Variants in FYB2 observed in about 807,000 individuals in gnomAD.
FYB2 encodes FYN-binding protein 2.
A neutral mutation model predicts 94.1 loss-of-function variants in FYB2; 103 were observed. That is an observed-to-expected ratio of 1.09 (90% confidence interval 0.93 to 1.29). The LOEUF (loss-of-function observed/expected upper bound fraction) is 1.29. FYB2 is among the 50% of genes most tolerant of loss of function. The probability of loss-of-function intolerance (pLI) is 0.00; values close to 1 mark genes in which losing one functional copy is unlikely to be tolerated. For missense variants in FYB2, 896 were observed against 841.5 expected, an observed-to-expected ratio of 1.06 and a Z score of -0.80; for synonymous variants, 293 against 287.9, an observed-to-expected ratio of 1.02 and a Z score of -0.18.
At chr1:56,812,297 A>AT (rs1646785123) in intron 1 of FYB2, among the ~76,000 whole-genome samples, 1 of 152,144 alleles carries the variant, frequency 6.6e-6, no homozygotes, top group African/African-American at 2.4e-5. Context: ...CAGTTTAAAG[A>AT]TTTTTTTAAA....
rs118160810 is a variant in FYB2 at position 56,818,146 on chromosome 1, G to C, written c.9+1136C>G. ...AGCCTGGCACTTTCCCGTCAAGGAG[G>C]AGTTTCTTAAAAATTGCTAAGTGGT... On this transcript the variant is annotated intron_variant, in intron 1 of 19. Coordinates refer to ENST00000343433, the MANE Select transcript of FYB2 (RefSeq NM_001004303.5). Among the ~76,000 whole-genome samples the C allele has an allele frequency of 5.8e-4, 88 of 152,188 alleles. 2 individuals are homozygous for C. In the East Asian group the frequency reaches 0.015, roughly 26 times the overall value.
chr1:56,747,862 A>T (rs1381286087), intron 9 of FYB2, among the ~76,000 whole-genome samples: 5 of 152,112 alleles, frequency 3.3e-5, no homozygotes, highest in Non-Finnish European at 5.9e-5. Context: ...TTACACTCTG[A>T]CCAACAGTGT....
Position 56,719,668 on chromosome 1 carries a change from T to C in FYB2, c.*3A>G. The C allele has an allele frequency of 6.3e-7, 1 of 1,598,368 alleles. No individual in the cohort carries two copies. Among genetic ancestry groups the C allele is most frequent in the African/African-American group, 1.3e-5 (1 of 74,364 alleles). ...CAGTCCATAGCATTTGATCTTGATT[T>C]TTCTAAGGTGACCAACTTTGATGCC... On this transcript the variant is annotated 3_prime_UTR_variant, in exon 20 of 20. Transcript: ENST00000343433.
chr1:56,726,463 A>G, intron 16 of FYB2, 34 bp downstream of exon 16: 1 of 1,578,158 alleles, frequency 6.3e-7, no homozygotes, highest in Non-Finnish European at 8.7e-7. Flanking sequence ...ATTGCAGCAG[A>G]TAAGCTATAA....
rs1190960568 is a variant in FYB2 at position 56,751,198 on chromosome 1, A to G, written c.1233T>C (p.Asp411=). 2.5e-6 allele frequency: 4 copies of G among 1,612,310 alleles called. No homozygotes were observed. The highest frequency in any genetic ancestry group is 2.2e-5 in the South Asian group (2 of 91,032). ...EPYSNHVFKV[D]ACEGTPEKIQ... is the part of the protein sequence containing the mutation. ...TTTTTTCAGGTGTCCCTTCACAGGC[A>G]TCTACCTAAACATATGCAAAAGGGA... The change falls in exon 9 of 20, where the codon GAT becomes GAC. Residue 411 remains aspartate, a synonymous_variant. Coordinates refer to ENST00000343433, the MANE Select transcript of FYB2 (RefSeq NM_001004303.5).
chr1:56,739,379 G>A (rs1191411733), intron 13 of FYB2, among the ~76,000 whole-genome samples: 1 of 151,890 alleles, frequency 6.6e-6, no homozygotes, highest in African/African-American at 2.4e-5. Context: ...TTCCATATCA[G>A]GACTACAATT....
At position 56,741,053 on chromosome 1, in the gene FYB2, C is replaced by T. The variant is rs115926828; in HGVS notation, c.1605-258G>A. On this transcript the variant is annotated intron_variant, in intron 12 of 19. Transcript: ENST00000343433. ...TTGGGTAATGGGTAGACTAGAAGCCCATACCTCATCATTAGGCAATATATT... is the reference window on the plus strand; with the variant it reads ...TTGGGTAATGGGTAGACTAGAAGCCTATACCTCATCATTAGGCAATATATT... Among the ~76,000 whole-genome samples the T allele has an allele frequency of 4.3e-3, 659 of 152,038 alleles. 3 individuals are homozygous for T. The highest frequency in any genetic ancestry group is 0.015 in the African/African-American group (635 of 41,490).
At chr1:56,771,677 C>T (rs1317889556) in intron 4 of FYB2, among the ~76,000 whole-genome samples, 2 of 152,168 alleles carry the variant, frequency 1.3e-5, no homozygotes, top group Non-Finnish European at 2.9e-5. Flanking sequence ...ATCACAACTA[C>T]ATCACAGCAC....
At chr1:56,725,436 T>C (rs147319613) in intron 16 of FYB2, among the ~76,000 whole-genome samples, 133 of 152,190 alleles carry the variant, frequency 8.7e-4, no homozygotes, top group Non-Finnish European at 1.4e-3. Context: ...AATTATACTG[T>C]TATATCACTC....
chr1:56,825,386 G>A, the FYB2 span, among the ~76,000 whole-genome samples: 1 of 152,118 alleles, frequency 6.6e-6, no homozygotes, highest in African/African-American at 2.4e-5. Context: ...GCTTGATGTG[G>A]TCACCCTGCT....
chr1:56,742,412 T>A (rs1302054497), intron 11 of FYB2, among the ~76,000 whole-genome samples, 191 bp from the exon 12 acceptor site: 1 of 152,078 alleles, frequency 6.6e-6, no homozygotes, highest in Non-Finnish European at 1.5e-5. Flanking sequence ...TCTATAAAAG[T>A]ATGTATAAAT....
upstream of FYB2, among the ~76,000 whole-genome samples, chr1:56,822,760 A>AAG (rs1647000070): frequency 6.6e-6 from 1 of 150,868 alleles, no homozygotes; most frequent in African/African-American, 2.4e-5. Flanking sequence ...AAAAAAAAAA[A>AAG]GGAGCATTTA....
chr1:56,808,709 C>G (rs1646700029), intron 1 of FYB2, among the ~76,000 whole-genome samples: 1 of 152,180 alleles, frequency 6.6e-6, no homozygotes, highest in African/African-American at 2.4e-5. Context: ...TAAAGAGAAA[C>G]TGTGTACTGT....
chr1:56,749,467 C>T (rs1381414953), intron 9 of FYB2, among the ~76,000 whole-genome samples: 3 of 152,050 alleles, frequency 2.0e-5, no homozygotes, highest in Non-Finnish European at 2.9e-5. Flanking sequence ...TTCTCTTCAA[C>T]TATAGGTAAT....
chr1:56,750,299 AAAGT>A (rs2100680601), intron 9 of FYB2, among the ~76,000 whole-genome samples: 1 of 152,150 alleles, frequency 6.6e-6, no homozygotes, highest in African/African-American at 2.4e-5. Flanking sequence ...TTTGCACATG[AAAGT>A]AAGTACATTT....
chr1:56,722,143 A>G (rs933384808), intron 17 of FYB2, among the ~76,000 whole-genome samples: 1 of 152,114 alleles, frequency 6.6e-6, no homozygotes, highest in Non-Finnish European at 1.5e-5. Context: ...TTGTTTTTCA[A>G]TTAATCAAGT....
At chr1:56,783,296 G>A (rs1646050901) in intron 4 of FYB2, among the ~76,000 whole-genome samples, 1 of 152,168 alleles carries the variant, frequency 6.6e-6, no homozygotes, top group African/African-American at 2.4e-5. Context: ...TCTAAGGTAT[G>A]GAAGAGGGGT....
Position 56,738,618 on chromosome 1 carries a change from C to T in FYB2, c.1732+7G>A. 1 of 1,609,116 alleles carries T rather than the reference C, an allele frequency of 6.2e-7. No homozygotes were observed. Among genetic ancestry groups the T allele is most frequent in the South Asian group, 1.1e-5 (1 of 90,146 alleles). On this transcript the variant is annotated splice_region_variant and intron_variant, in intron 14 of 19. Coordinates refer to ENST00000343433, the MANE Select transcript of FYB2 (RefSeq NM_001004303.5). The stretch of plus-strand genomic sequence containing the variant: ...CTTTTGGTCTGCAATAAGCAAATGG[C>T]ACTTACCTAAATCAGGCAGCAAAAT...
At chr1:56,722,163 G>A in intron 17 of FYB2, among the ~76,000 whole-genome samples, 1 of 152,042 alleles carries the variant, frequency 6.6e-6, no homozygotes, top group East Asian at 1.9e-4. Context: ...TAACATCAGG[G>A]TTGCAGTAGA....
Sources: gnomAD v4.1 joint callset for allele counts (sites outside exome capture counted in the v4.1 genomes callset) on GRCh38, gnomAD v4.1.1 for gene constraint, MANE v1.5 for transcripts, NCBI Gene and HGNC (gene_info 2026-07-23, HGNC 2026-07-21) for gene names.